RIMS2: variants seen among roughly 807,000 people sequenced by gnomAD.
RIMS2 encodes the protein regulating synaptic membrane exocytosis protein 2.
A neutral mutation model predicts 174.4 loss-of-function variants in RIMS2; 59 were observed. That is an observed-to-expected ratio of 0.34 (90% CI 0.27 to 0.42). The LOEUF is 0.42. Among genes scored for constraint, RIMS2 ranks in the 10% least tolerant of loss-of-function variants. The pLI is 1.00. For missense variants in RIMS2, 1,620 were observed against 1,666.3 expected, an observed-to-expected ratio of 0.97 and a Z score of 0.48; for synonymous variants, 606 against 572.5, an observed-to-expected ratio of 1.06 and a Z score of -0.84.
At chr8:103,608,310 C>T (rs1218337751) in intron 1 of RIMS2, among the ~76,000 whole-genome samples, 2 of 143,498 alleles carry the variant, frequency 1.4e-5, no homozygotes, top group Admixed American at 6.8e-5. Flanking sequence ...TTAGGCTGCT[C>T]GGGGGTCAGG....
intron 19 of RIMS2, among the ~76,000 whole-genome samples, chr8:104,173,070 C>T (rs1475181785): frequency 6.6e-6 from 1 of 152,168 alleles, no homozygotes; most frequent in Non-Finnish European, 1.5e-5. Flanking sequence ...TTTGTAGTCT[C>T]TGCATAAAAT....
chr8:103,839,043 C>A (rs1005458683), intron 3 of RIMS2, among the ~76,000 whole-genome samples: 1 of 152,078 alleles, frequency 6.6e-6, no homozygotes, highest in East Asian at 1.9e-4. Flanking sequence ...CCAGCCCGTG[C>A]GACAGGGCGA....
At chr8:103,805,731 T>G (rs896875772) in intron 3 of RIMS2, among the ~76,000 whole-genome samples, 3 of 152,158 alleles carry the variant, frequency 2.0e-5, no homozygotes, top group Non-Finnish European at 2.9e-5. Flanking sequence ...CCTGAACTTT[T>G]TTGTCTATTT....
At chr8:103,626,129 C>T (rs2095779335) in intron 1 of RIMS2, among the ~76,000 whole-genome samples, 1 of 151,934 alleles carries the variant, frequency 6.6e-6, no homozygotes, top group Admixed American at 6.6e-5. Context: ...TTATCTGAAA[C>T]ATAGGGATAC....
chr8:103,564,270 A>G (rs1451457462), intron 1 of RIMS2, among the ~76,000 whole-genome samples: 1 of 152,226 alleles, frequency 6.6e-6, no homozygotes, highest in Non-Finnish European at 1.5e-5. Context: ...CTGTACCTTT[A>G]AATGAGTATT....
intron 2 of RIMS2, among the ~76,000 whole-genome samples, chr8:103,741,513 C>G (rs1169035882): frequency 6.6e-6 from 1 of 152,046 alleles, no homozygotes; most frequent in Non-Finnish European, 1.5e-5. Flanking sequence ...ATTGAAGACA[C>G]CAGGCTTGCA....
intron 2 of RIMS2, among the ~76,000 whole-genome samples, chr8:103,749,471 A>G (rs1342558614): frequency 6.6e-6 from 1 of 152,040 alleles, no homozygotes; most frequent in African/African-American, 2.4e-5. Context: ...CTATTATTTT[A>G]CTTTAATATT....
intron 1 of RIMS2, among the ~76,000 whole-genome samples, chr8:103,605,225 G>T (rs28880938): frequency 0.13 from 15,649 of 118,300 alleles, 1,285 homozygotes; most frequent in African/African-American, 0.18. Context: ...GTTGAATTTT[G>T]TCAAAGGCTT....
chr8:103,660,440 C>T (rs1478861825), intron 1 of RIMS2, among the ~76,000 whole-genome samples: 1 of 152,142 alleles, frequency 6.6e-6, no homozygotes, highest in African/African-American at 2.4e-5. Flanking sequence ...CTGTCTGCCT[C>T]GAGGCTGAGA....
chr8:103,655,687 G>T (rs948615648), intron 1 of RIMS2, among the ~76,000 whole-genome samples: 4 of 152,074 alleles, frequency 2.6e-5, no homozygotes, highest in African/African-American at 9.7e-5. Flanking sequence ...TTAAAGGGAA[G>T]AGTGTTTTAA....
chr8:104,018,378 T>A, intron 19 of RIMS2, among the ~76,000 whole-genome samples: 1 of 152,304 alleles, frequency 6.6e-6, no homozygotes. Context: ...AAATGCACAA[T>A]GAAGAATAGA....
At chr8:104,009,897 G>A (rs2095701904) in intron 17 of RIMS2, among the ~76,000 whole-genome samples, 1 of 152,004 alleles carries the variant, frequency 6.6e-6, no homozygotes, top group Admixed American at 6.6e-5. Flanking sequence ...CTGAGTTTTA[G>A]TATTCTTAGT....
intron 3 of RIMS2, among the ~76,000 whole-genome samples, chr8:103,792,179 C>G (rs1404062836): frequency 6.6e-6 from 1 of 152,180 alleles, no homozygotes; most frequent in East Asian, 1.9e-4. Flanking sequence ...AAGTAAAGCA[C>G]TCCTCAGCAA....
chr8:104,118,657 C>T (rs1262229912), intron 19 of RIMS2, among the ~76,000 whole-genome samples: 1 of 152,008 alleles, frequency 6.6e-6, no homozygotes, highest in Non-Finnish European at 1.5e-5. Flanking sequence ...CCATGAGCCA[C>T]CGGGCCCGAC....
rs563309252 is a variant in RIMS2 at position 103,572,476 on chromosome 8, G to A, written c.176+71414G>A. 3.3e-5 allele frequency among the ~76,000 whole-genome samples: 5 copies of A among 152,232 alleles called. No homozygotes were observed. In the South Asian group the frequency reaches 1.0e-3, roughly 32 times the overall value. Reference sequence around the variant, plus strand: ...CTGATTGGTGAGTTTACAAACTCAAGCTGCTTTCTACAGGGGCTGAACTAA... The same window carrying A: ...CTGATTGGTGAGTTTACAAACTCAAACTGCTTTCTACAGGGGCTGAACTAA... On this transcript the variant is annotated intron_variant, in intron 1 of 23. Transcript: ENST00000504942.
chr8:103,993,130 T>A (rs987714318), intron 17 of RIMS2, among the ~76,000 whole-genome samples: 23 of 151,966 alleles, frequency 1.5e-4, no homozygotes, highest in Non-Finnish European at 3.1e-4. Context: ...ATATATATAT[T>A]TTAAGAGCTT....
chr8:104,130,059 T>G (rs1376929680), intron 19 of RIMS2, among the ~76,000 whole-genome samples: 1 of 152,230 alleles, frequency 6.6e-6, no homozygotes, highest in African/African-American at 2.4e-5. Flanking sequence ...AATAGTAAAT[T>G]TATTGAATTA....
intron 17 of RIMS2, among the ~76,000 whole-genome samples, chr8:104,002,255 C>G (rs1347805442): frequency 1.3e-5 from 2 of 151,966 alleles, no homozygotes; most frequent in Non-Finnish European, 2.9e-5. Flanking sequence ...GAATGCTACT[C>G]TCTTGATCCC....
At chr8:103,841,010 G>A (rs1340884628) in intron 3 of RIMS2, among the ~76,000 whole-genome samples, 1 of 152,160 alleles carries the variant, frequency 6.6e-6, no homozygotes, top group South Asian at 2.1e-4. Context: ...AGGAATGCTA[G>A]GTGTAGTTTA....
Sources: allele counts gnomAD v4.1 joint callset (sites outside exome capture counted in the v4.1 genomes callset), GRCh38; gene constraint gnomAD v4.1.1; transcripts MANE v1.5; gene names NCBI Gene and HGNC (gene_info 2026-07-23, HGNC 2026-07-21).